DNAH12: variants seen among roughly 807,000 people sequenced by gnomAD.
DNAH12 encodes the protein dynein axonemal heavy chain 12.
DNAH12 carries 285 observed loss-of-function variants against 371.5 expected under a neutral mutation model. The observed-to-expected ratio is 0.77, with a 90% confidence interval of 0.70 to 0.85. The LOEUF (loss-of-function observed/expected upper bound fraction) is 0.85. DNAH12 is among the 40% of genes least tolerant of loss of function. The pLI, the probability that DNAH12 is intolerant of heterozygous loss-of-function variation, is 0.00. For synonymous variants in DNAH12, 1,200 were observed against 1,213.0 expected, an observed-to-expected ratio of 0.99 and a Z score of 0.22; for missense variants, 3,611 against 3,689.4, an observed-to-expected ratio of 0.98 and a Z score of 0.55.
rs756956855 is a variant in DNAH12, at chr3:57,501,295, T to C, written c.1335+26A>G. On this transcript the variant is annotated intron_variant, in intron 11 of 73. Transcript: ENST00000495027. ...ATGTTACAAAAAAATTCAAAACGCATTAATAAAAACAGAATTACCGCTTAC... is the reference window on the plus strand; with the variant it reads ...ATGTTACAAAAAAATTCAAAACGCACTAATAAAAACAGAATTACCGCTTAC... 3.8e-6 allele frequency: 6 copies of C among 1,563,298 alleles called. No individual in the cohort carries two copies. The African/African-American group carries it at 8.2e-5, about 21-fold the overall frequency.
At chr3:57,384,192 T>G (rs1368616623) in intron 49 of DNAH12, among the ~76,000 whole-genome samples, 2 of 152,162 alleles carry the variant, frequency 1.3e-5, no homozygotes, top group African/African-American at 2.4e-5. Context: ...AAATGGCCTT[T>G]AAGTTTTTCT....
At chr3:57,532,386 T>C (rs752708949) in intron 2 of DNAH12, among the ~76,000 whole-genome samples, 1 of 152,140 alleles carries the variant, frequency 6.6e-6, no homozygotes, top group Non-Finnish European at 1.5e-5. Flanking sequence ...CTGGATGGTG[T>C]TGATGCTTGT....
intron 62 of DNAH12, among the ~76,000 whole-genome samples, chr3:57,326,320 T>G (rs1475215203): frequency 6.6e-6 from 1 of 152,122 alleles, no homozygotes; most frequent in African/African-American, 2.4e-5. Context: ...AAAGGTCGGG[T>G]TACCCACAAA....
At chr3:57,365,318 T>C (rs2063025778) in intron 57 of DNAH12, among the ~76,000 whole-genome samples, 1 of 152,142 alleles carries the variant, frequency 6.6e-6, no homozygotes, top group East Asian at 1.9e-4. Flanking sequence ...GAGACATGGA[T>C]GGAGCTGGAA....
Position 57,302,474 on chromosome 3 carries a change from T to C in DNAH12, c.11190-535A>G, listed in dbSNP as rs1575419913. Among the ~76,000 whole-genome samples the C allele has an allele frequency of 2.1e-5, 3 of 144,372 alleles. No individual in the cohort carries two copies. The South Asian group carries it at 6.6e-4, about 32-fold the overall frequency. The allele number at this position is 144,372 out of a possible 152,430, so 94.7% of individuals were successfully genotyped here. A position where few individuals can be genotyped will look rare whatever the true frequency, so the allele number is the denominator to read the frequency against. ...AGCTGAGAGATACTGTGTTATTATATATACATAAATATAACTTTTGTATAA... is the reference window on the plus strand; with the variant it reads ...AGCTGAGAGATACTGTGTTATTATACATACATAAATATAACTTTTGTATAA... On this transcript the variant is annotated intron_variant, in intron 69 of 73. Transcript: ENST00000495027.
At chr3:57,425,387 A>G (rs868083955) in intron 34 of DNAH12, among the ~76,000 whole-genome samples, 3 of 151,270 alleles carry the variant, frequency 2.0e-5, no homozygotes, top group Non-Finnish European at 4.4e-5. Flanking sequence ...AGTTAGGACT[A>G]TAGGTGAGCA....
intron 29 of DNAH12, among the ~76,000 whole-genome samples, 200 bp from the exon 30 acceptor site, chr3:57,437,260 G>A (rs1048113652): frequency 6.6e-6 from 1 of 152,040 alleles, no homozygotes; most frequent in Non-Finnish European, 1.5e-5. Context: ...CTTCCCTATT[G>A]TAAGTTATGA....
chr3:57,425,404 G>GT (rs2064735166), intron 34 of DNAH12, among the ~76,000 whole-genome samples: 1 of 141,262 alleles, frequency 7.1e-6, no homozygotes, highest in Admixed American at 7.0e-5. Context: ...AGCACCACCA[G>GT]GCTATTTTTT....
At chr3:57,415,380 G>A in intron 38 of DNAH12, 46 bp downstream of exon 38, 2 of 1,534,496 alleles carry the variant, frequency 1.3e-6, no homozygotes, top group Non-Finnish European at 1.7e-6. Context: ...GAGCAAATAA[G>A]ACAAAAAAAT....
At chr3:57,420,403 T>C in intron 36 of DNAH12, among the ~76,000 whole-genome samples, 1 of 152,332 alleles carries the variant, frequency 6.6e-6, no homozygotes, top group East Asian at 1.9e-4. Flanking sequence ...GGTAACTTTG[T>C]AAGTTTGGGT....
At chr3:57,361,471 T>TATATATATATA (rs2062934544) in intron 58 of DNAH12, among the ~76,000 whole-genome samples, 7 of 141,812 alleles carry the variant, frequency 4.9e-5, no homozygotes, top group African/African-American at 2.0e-4. Context: ...TATATATATA[T>TATATATATATA]CTCATTCAGC....
chr3:57,498,170 T>C (rs1247975440), intron 11 of DNAH12: 2 of 240,904 alleles, frequency 8.3e-6, no homozygotes, highest in East Asian at 1.7e-4. Flanking sequence ...ATAATCTAGA[T>C]GTGAAAGTGC....
chr3:57,477,130 G>C (rs1203504452), intron 13 of DNAH12, among the ~76,000 whole-genome samples: 1 of 152,168 alleles, frequency 6.6e-6, no homozygotes, highest in Admixed American at 6.5e-5. Flanking sequence ...GTGAGGCATC[G>C]CCTCACCTGG....
chr3:57,436,768 CTTG>C (rs528700809), intron 30 of DNAH12, among the ~76,000 whole-genome samples, 180 bp downstream of exon 30: 173 of 152,128 alleles, frequency 1.1e-3, no homozygotes, highest in African/African-American at 4.1e-3. Flanking sequence ...CTTACCAACC[CTTG>C]TTGGACATGT....
At chr3:57,349,725 T>C (rs2062627423) in intron 60 of DNAH12, among the ~76,000 whole-genome samples, 1 of 152,220 alleles carries the variant, frequency 6.6e-6, no homozygotes, top group Non-Finnish European at 1.5e-5. Flanking sequence ...AGTCCCACTC[T>C]GTAGCTCAAG....
intron 2 of DNAH12, among the ~76,000 whole-genome samples, chr3:57,537,947 T>C (rs1195826486): frequency 6.6e-6 from 1 of 152,170 alleles, no homozygotes; most frequent in Non-Finnish European, 1.5e-5. Context: ...CCTCCCAAAG[T>C]GCTGGGATTA....
Position 57,352,161 on chromosome 3 carries a change from A to G in DNAH12, c.9598T>C (p.Tyr3200His), listed in dbSNP as rs552881477. 81 of 1,544,352 alleles carry G rather than the reference A, an allele frequency of 5.2e-5. No individual in the cohort carries two copies. The East Asian group carries it at 6.6e-4, about 13-fold the overall frequency. ...YLNDHFTYNL[Y>H]CNICRSLFEK... Reference sequence around the variant, plus strand: ...AATAGTGATCGGCATATATTACAATATAAGTTGTATGTGAAGTGGTCATTT... The same window carrying G: ...AATAGTGATCGGCATATATTACAATGTAAGTTGTATGTGAAGTGGTCATTT... Residue 3200 changes from tyrosine (Y) to histidine (H), a missense_variant, in exon 60 of 74, where the codon TAT becomes CAT. This residue lies in a region of DNAH12 where 2,266 missense variants were observed against 2,236.9 expected (regional missense o/e 1.01). Transcript: ENST00000495027.
At chr3:57,296,489 TA>T in intron 71 of DNAH12, 54 bp from the exon 72 acceptor site, 1 of 1,336,624 alleles carries the variant, frequency 7.5e-7, no homozygotes, top group South Asian at 1.3e-5. Context: ...CTTCATCTCA[TA>T]AAGAACACAT....
At chr3:57,322,619 T>TGA in intron 64 of DNAH12, 136 bp from the exon 65 acceptor site, 1 of 1,076,876 alleles carries the variant, frequency 9.3e-7, no homozygotes, top group Non-Finnish European at 1.3e-6. Flanking sequence ...GTTAAGCATC[T>TGA]GAGGCTTGAT....
Sources: gnomAD v4.1 joint callset for allele counts (sites outside exome capture counted in the v4.1 genomes callset) on GRCh38, gnomAD v4.1.1 for gene constraint, gnomAD v4.1.1 regional missense constraint, MANE v1.5 for transcripts, NCBI Gene and HGNC (gene_info 2026-07-23, HGNC 2026-07-21) for gene names.